CELF2: variants seen among roughly 807,000 people sequenced by gnomAD.
The protein encoded by CELF2 is CUG triplet repeat RNA-binding protein 2.
CELF2 carries 8 observed loss-of-function variants against 62.6 expected under a neutral mutation model. That is an observed-to-expected ratio of 0.13 (90% CI 0.07 to 0.23). CELF2 has a LOEUF of 0.23. Among genes scored for constraint, CELF2 ranks in the 10% least tolerant of loss-of-function variants. The probability of loss-of-function intolerance (pLI) is 1.00; values close to 1 mark genes in which losing one functional copy is unlikely to be tolerated. For missense variants in CELF2, 333 were observed against 671.0 expected, an observed-to-expected ratio of 0.50 and a Z score of 5.56; for synonymous variants, 258 against 250.0, an observed-to-expected ratio of 1.03 and a Z score of -0.30.
the CELF2 span, among the ~76,000 whole-genome samples, chr10:10,767,294 G>A: frequency 2.6e-5 from 4 of 151,662 alleles, no homozygotes; most frequent in Non-Finnish European, 4.4e-5. Context: ...TTCCAAAGTC[G>A]ATGACAGGGT....
Position 11,177,230 on chromosome 10 carries a change from G to A in CELF2, c.271+11548G>A, listed in dbSNP as rs1331192056. 1.3e-5 allele frequency among the ~76,000 whole-genome samples: 2 copies of A among 152,142 alleles called. No homozygotes were observed. The highest frequency in any genetic ancestry group is 2.4e-5 in the African/African-American group (1 of 41,416). On this transcript the variant is annotated intron_variant, in intron 2 of 12. Coordinates refer to ENST00000633077, the MANE Select transcript of CELF2 (RefSeq NM_001326342.2). The surrounding 1 kb of genome is among the most constrained non-coding windows in gnomAD (Gnocchi z 4.8). The stretch of plus-strand genomic sequence containing the variant: ...AGGCATCCCCTACACAGAATGTTTA[G>A]TAGGGAGGTATTAAAATTAATAGCA...
At chr10:11,062,678 A>G (rs2067085396) in intron 1 of CELF2, among the ~76,000 whole-genome samples, 1 of 152,202 alleles carries the variant, frequency 6.6e-6, no homozygotes, top group Admixed American at 6.5e-5. Context: ...GAGCAAAGAA[A>G]TCGGTTTCTG....
chr10:10,814,987 C>CA (rs1175167743), intron 1 of CELF2, among the ~76,000 whole-genome samples: 1 of 152,182 alleles, frequency 6.6e-6, no homozygotes, highest in Non-Finnish European at 1.5e-5. Flanking sequence ...TACCACTTCA[C>CA]AATCAATTGC....
chr10:11,073,407 A>G (rs1225124878), intron 1 of CELF2, among the ~76,000 whole-genome samples: 1 of 152,222 alleles, frequency 6.6e-6, no homozygotes, highest in African/African-American at 2.4e-5. Flanking sequence ...AAGTAGAGGA[A>G]TGGCAGTAGC....
Position 11,267,520 on chromosome 10 carries a change from TGTGTATGG to T in CELF2, c.618+847_618+854del, listed in dbSNP as rs1322273174. On this transcript the variant is annotated intron_variant, in intron 6 of 12. Transcript: ENST00000633077. The surrounding 1 kb of genome is among the most constrained non-coding windows in gnomAD (Gnocchi z 4.4). ...TGCTGTATTATGTATACTGTATCTT[TGTGTATGG>T]GTGATCTTTTCCGGAGGTGGCCTTG... 6.6e-6 allele frequency among the ~76,000 whole-genome samples: 1 copy of T among 152,238 alleles called. No individual in the cohort carries two copies. Among genetic ancestry groups the T allele is most frequent in the Non-Finnish European group, 1.5e-5 (1 of 68,044 alleles).
intron 2 of CELF2, among the ~76,000 whole-genome samples, chr10:10,989,917 G>A (rs2053239883): frequency 6.6e-6 from 1 of 152,096 alleles, no homozygotes. Context: ...AGAAAACAGT[G>A]AAGTAACAGG....
the CELF2 span, among the ~76,000 whole-genome samples, chr10:10,727,091 A>G: frequency 2.5e-4 from 38 of 152,250 alleles, no homozygotes; most frequent in Non-Finnish European, 2.6e-4. Context: ...GTTAGAAATC[A>G]CCCATCACGA....
intron 2 of CELF2, among the ~76,000 whole-genome samples, chr10:11,213,818 A>G (rs903891848): frequency 2.0e-5 from 3 of 152,220 alleles, no homozygotes; most frequent in Non-Finnish European, 4.4e-5. Context: ...CAATCACTGT[A>G]CTTGTTAAGT....
intron 1 of CELF2, among the ~76,000 whole-genome samples, chr10:10,910,009 T>C (rs2063673897): frequency 6.6e-6 from 1 of 152,200 alleles, no homozygotes. Context: ...AGGCCATTAG[T>C]CAAACATCAC....
chr10:11,267,283 C>T lies in CELF2; in HGVS notation c.618+606C>T, dbSNP rs2082415266. Among the ~76,000 whole-genome samples the T allele has an allele frequency of 6.6e-6, 1 of 152,206 alleles. No homozygotes were observed. The highest frequency in any genetic ancestry group is 6.5e-5 in the Admixed American group (1 of 15,288). ...ATAACAAAGAAACATAATAAAGGCT[C>T]AAATGTGGTCTCCTAATGAGAGATC... On this transcript the variant is annotated intron_variant, in intron 6 of 12. Transcript: ENST00000633077. The surrounding 1 kb of genome is among the most constrained non-coding windows in gnomAD (Gnocchi z 4.4).
intron 4 of CELF2, 97 bp downstream of exon 4, chr10:11,249,298 T>C: frequency 3.1e-6 from 3 of 969,708 alleles, no homozygotes; most frequent in Non-Finnish European, 5.0e-6. Context: ...GCTGCTTTTC[T>C]CTCTAGAGGA....
At chr10:10,854,840 AC>A (rs979237332) in intron 1 of CELF2, among the ~76,000 whole-genome samples, 1 of 151,106 alleles carries the variant, frequency 6.6e-6, no homozygotes, top group Admixed American at 6.6e-5. Flanking sequence ...CCCTGTTCTA[AC>A]CCCCTAGCTG....
intron 2 of CELF2, among the ~76,000 whole-genome samples, chr10:11,188,685 A>C (rs558615698): frequency 6.6e-6 from 1 of 152,104 alleles, no homozygotes. Context: ...GTTTTCATCA[A>C]ATTTGGAAAA....
chr10:11,121,823 T>C (rs2057810200), intron 1 of CELF2, among the ~76,000 whole-genome samples: 1 of 152,098 alleles, frequency 6.6e-6, no homozygotes, highest in Non-Finnish European at 1.5e-5. Context: ...AGGTCTTAAT[T>C]CTGAATACAC....
At chr10:11,025,136 GAGTAA>G (rs1459519452) in intron 1 of CELF2, among the ~76,000 whole-genome samples, 4 of 152,156 alleles carry the variant, frequency 2.6e-5, no homozygotes, top group Non-Finnish European at 5.9e-5. Flanking sequence ...TAGGCTAAAA[GAGTAA>G]AGTATTTTGT....
intron 2 of CELF2, among the ~76,000 whole-genome samples, chr10:11,168,522 A>T (rs2067898400): frequency 6.6e-6 from 1 of 152,070 alleles, no homozygotes; most frequent in African/African-American, 2.4e-5. Flanking sequence ...AAGACCTCAC[A>T]TTTACTTTGA....
chr10:11,168,049 G>C (rs187009670), intron 2 of CELF2, among the ~76,000 whole-genome samples: 15 of 152,226 alleles, frequency 9.9e-5, no homozygotes, highest in African/African-American at 2.9e-4. Flanking sequence ...CCTGGGTCAG[G>C]GGCAGTCTCC....
rs544173284 is a variant in CELF2, at chr10:11,091,044, A to G, written c.74+72881A>G. Among the ~76,000 whole-genome samples the G allele has an allele frequency of 1.2e-3, 177 of 152,344 alleles. 1 individual carries two copies. Among genetic ancestry groups the G allele is most frequent in the African/African-American group, 4.0e-3 (167 of 41,580 alleles). On this transcript the variant is annotated intron_variant, in intron 1 of 12. Coordinates refer to ENST00000633077, the MANE Select transcript of CELF2 (RefSeq NM_001326342.2). ...TGTTCAAGATCATGTGTAGACTTAA[A>G]TATCAATTATGAGTTACCTTCTGAA... is the stretch of plus-strand genomic sequence containing the variant.
chr10:10,970,426 C>T (rs2050640524), intron 2 of CELF2, among the ~76,000 whole-genome samples: 1 of 152,046 alleles, frequency 6.6e-6, no homozygotes, highest in Non-Finnish European at 1.5e-5. Context: ...AAAGAGGAAA[C>T]CCATCGAAAA....
Sources: allele counts gnomAD v4.1 joint callset (sites outside exome capture counted in the v4.1 genomes callset), GRCh38; gene constraint gnomAD v4.1.1; non-coding constraint Gnocchi (gnomAD v3.1); transcripts MANE v1.5; gene names NCBI Gene and HGNC (gene_info 2026-07-23, HGNC 2026-07-21).